Variants in ABLIM1 observed in about 807,000 individuals in gnomAD.
ABLIM1 encodes the protein actin-binding LIM protein 1.
In ABLIM1, 40 loss-of-function variants were observed where a neutral mutation model predicts 107.0. The ratio of observed to expected loss-of-function variants is 0.37; its 90% CI spans 0.29 to 0.49. ABLIM1 has a LOEUF of 0.49. Ranked by LOEUF, ABLIM1 falls within the 20% of genes least tolerant of loss-of-function variation. The pLI is 0.97. For synonymous variants in ABLIM1, 357 were observed against 357.3 expected (o/e 1.00, Z 0.01); for missense variants, 857 against 1,008.5 (o/e 0.85, Z 2.04).
intron 6 of ABLIM1, among the ~76,000 whole-genome samples, chr10:114,536,008 G>A (rs761492642): frequency 3.3e-5 from 5 of 151,970 alleles, no homozygotes; most frequent in Non-Finnish European, 5.9e-5. Flanking sequence ...TACTCATTGA[G>A]TTGTGCAGCC....
At chr10:114,585,704 C>T (rs2074110690) in intron 2 of ABLIM1, among the ~76,000 whole-genome samples, 1 of 152,158 alleles carries the variant, frequency 6.6e-6, no homozygotes, top group Non-Finnish European at 1.5e-5. Flanking sequence ...CACTGACATT[C>T]TTTTTACCAC....
chr10:114,555,677 G>A (rs2068639419), intron 4 of ABLIM1, among the ~76,000 whole-genome samples: 1 of 152,178 alleles, frequency 6.6e-6, no homozygotes, highest in South Asian at 2.1e-4. Flanking sequence ...GAGACACTGA[G>A]ATAACTGAGA....
rs797010063 is a variant in ABLIM1 at position 114,556,662 on chromosome 10, C to T, written c.674-8886G>A. Among the ~76,000 whole-genome samples the T allele has an allele frequency of 4.6e-5, 7 of 152,266 alleles. No individual in the cohort carries two copies. In the East Asian group the frequency reaches 5.8e-4, roughly 13 times the overall value. ...AAACCTCTCCTTGACCAAAAAGTCC[C>T]CATCATTAGTAGTGATAAGAATGTT... On this transcript the variant is annotated intron_variant, in intron 4 of 22. Coordinates refer to ENST00000533213, the MANE Select transcript of ABLIM1 (RefSeq NM_002313.7).
At chr10:114,720,702 T>A (rs1184144042) in intron 1 of ABLIM1, among the ~76,000 whole-genome samples, 2 of 150,842 alleles carry the variant, frequency 1.3e-5, no homozygotes, top group Non-Finnish European at 2.9e-5. Flanking sequence ...ACTATGGGAG[T>A]AACAAGACAG....
At chr10:114,565,096 C>A (rs528517336) in intron 4 of ABLIM1, among the ~76,000 whole-genome samples, 1 of 152,352 alleles carries the variant, frequency 6.6e-6, no homozygotes, top group South Asian at 2.1e-4. Context: ...AACCAGCCAA[C>A]AACTTGTCCA....
At chr10:114,709,598 TA>T (rs2081502010) in intron 1 of ABLIM1, among the ~76,000 whole-genome samples, 1 of 152,064 alleles carries the variant, frequency 6.6e-6, no homozygotes, top group Admixed American at 6.6e-5. Context: ...CTACCAAAAA[TA>T]AAAGATAAAT....
chr10:114,462,962 G>A (rs1364448305), intron 12 of ABLIM1: 7 of 1,280,360 alleles, frequency 5.5e-6, no homozygotes, highest in African/African-American at 1.5e-5. Context: ...ACTAACTCTT[G>A]GAGATACACC....
chr10:114,473,172 T>C (rs2066915154), intron 9 of ABLIM1, 40 bp from the exon 10 acceptor site: 1 of 1,572,284 alleles, frequency 6.4e-7, no homozygotes, highest in African/African-American at 1.4e-5. Flanking sequence ...CCTTGTAGTC[T>C]GACTGCTTTA....
intron 1 of ABLIM1, among the ~76,000 whole-genome samples, chr10:114,749,450 C>CACACACACA (rs1555232340): frequency 7.1e-6 from 1 of 141,488 alleles, no homozygotes; most frequent in Non-Finnish European, 1.6e-5. Context: ...AACACACACA[C>CACACACACA]CACACACACA....
At chr10:114,485,703 A>T (rs2058088238) in intron 8 of ABLIM1, among the ~76,000 whole-genome samples, 1 of 152,222 alleles carries the variant, frequency 6.6e-6, no homozygotes, top group Non-Finnish European at 1.5e-5. Flanking sequence ...ATCCTTGAGA[A>T]TCTGTTGTTA....
At chr10:114,769,953 T>C (rs1379772170), upstream of ABLIM1, among the ~76,000 whole-genome samples, 4 of 152,120 alleles carry the variant, frequency 2.6e-5, no homozygotes, top group Non-Finnish European at 5.9e-5. Flanking sequence ...AAAACAACTC[T>C]CCTCTCCCAC....
Position 114,571,356 on chromosome 10 carries a change from A to C in ABLIM1, c.614T>G (p.Leu205Arg). ...CATCGGCTGTGCACAGAGTTGACAAAGGCAGTCTCTCCCATTGAATGTGAC... is the reference window on the plus strand; with the variant it reads ...CATCGGCTGTGCACAGAGTTGACAACGGCAGTCTCTCCCATTGAATGTGAC... ...DRVTFNGRDCLCQLCAQPMSS... is the reference protein window; with the variant it reads ...DRVTFNGRDCRCQLCAQPMSS... The change falls in exon 4 of 23, where the codon CTT becomes CGT. Residue 205 changes from leucine to arginine, a missense_variant. This residue lies in a region of ABLIM1 where 381 missense variants were observed against 506.9 expected (regional missense o/e 0.75). Transcript: ENST00000533213. 6.2e-7 allele frequency: 1 copy of C among 1,614,194 alleles called. No individual in the cohort carries two copies. Among genetic ancestry groups the C allele is most frequent in the East Asian group, 2.2e-5 (1 of 44,880 alleles).
At chr10:114,703,867 A>T (rs1305858080) in intron 1 of ABLIM1, among the ~76,000 whole-genome samples, 1 of 152,222 alleles carries the variant, frequency 6.6e-6, no homozygotes, top group Non-Finnish European at 1.5e-5. Flanking sequence ...TCAGTTTCTT[A>T]CAGGAAACAT....
chr10:114,513,838 T>C (rs2062329126), intron 6 of ABLIM1, among the ~76,000 whole-genome samples: 1 of 152,212 alleles, frequency 6.6e-6, no homozygotes. Flanking sequence ...AAGGATTTAG[T>C]GCCCCTGCAA....
chr10:114,666,621 G>A (rs2080035880), intron 1 of ABLIM1, among the ~76,000 whole-genome samples: 1 of 151,978 alleles, frequency 6.6e-6, no homozygotes, highest in African/African-American at 2.4e-5. Context: ...AACCTCAGGT[G>A]GGTTCTTATT....
At chr10:114,637,061 G>A (rs1249575788) in intron 1 of ABLIM1, among the ~76,000 whole-genome samples, 1 of 142,178 alleles carries the variant, frequency 7.0e-6, no homozygotes, top group Admixed American at 7.2e-5. Flanking sequence ...AAAAAAAAGA[G>A]TGTGGAGGTT....
At position 114,435,995 on chromosome 10, in the gene ABLIM1, A is replaced by G. The variant is rs2059331581; in HGVS notation, c.*265T>C. 2 of 388,960 alleles carry G rather than the reference A, an allele frequency of 5.1e-6. No individual in the cohort carries two copies. The highest frequency in any genetic ancestry group is 1.1e-4 in the South Asian group (2 of 17,614). 24.1% of individuals were successfully genotyped at this position (388,960 alleles called of 1,614,324 possible). A position where few individuals can be genotyped will look rare whatever the true frequency, so the allele number is the denominator to read the frequency against. On this transcript the variant is annotated 3_prime_UTR_variant, in exon 23 of 23. Coordinates refer to ENST00000533213, the MANE Select transcript of ABLIM1 (RefSeq NM_002313.7). ...AAGAAAACAACGCAGCTCCTGTTGT[A>G]TACATAAGGTAATGTGAAAAGCTCA...
At chr10:114,446,973 A>C (rs1037453347) in intron 15 of ABLIM1, among the ~76,000 whole-genome samples, 3 of 152,244 alleles carry the variant, frequency 2.0e-5, no homozygotes, top group African/African-American at 7.2e-5. Flanking sequence ...TCTTTCTATA[A>C]GTATCAATTG....
chr10:114,487,933 C>CAT, intron 8 of ABLIM1, 25 bp downstream of exon 8: 1 of 1,613,548 alleles, frequency 6.2e-7, no homozygotes, highest in Non-Finnish European at 8.5e-7. Context: ...ATGCAGCTGG[C>CAT]ATCATGTTTT....
Sources: allele counts gnomAD v4.1 joint callset (sites outside exome capture counted in the v4.1 genomes callset), GRCh38; gene constraint gnomAD v4.1.1; regional missense constraint gnomAD v4.1.1; transcripts MANE v1.5; gene names NCBI Gene and HGNC (gene_info 2026-07-23, HGNC 2026-07-21).